Variants in KAZN observed in about 807,000 individuals in gnomAD.
The protein encoded by KAZN is kazrin.
KAZN carries 40 observed loss-of-function variants against 87.4 expected under a neutral mutation model. The observed-to-expected ratio is 0.46, with a 90% CI of 0.36 to 0.60. KAZN has a LOEUF of 0.60. Ranked by LOEUF, KAZN falls within the 20% of genes least tolerant of loss-of-function variation. The pLI is 0.00. For synonymous variants in KAZN, 466 were observed against 458.3 expected, an observed-to-expected ratio of 1.02 and a Z score of -0.22; for missense variants, 898 against 1,073.9, an observed-to-expected ratio of 0.84 and a Z score of 2.29.
chr1:14,789,047 G>A (rs956452724), intron 1 of KAZN, among the ~76,000 whole-genome samples: 1 of 152,212 alleles, frequency 6.6e-6, no homozygotes, highest in Non-Finnish European at 1.5e-5. Context: ...GTCCTGAAGG[G>A]ATGGGACACT....
chr1:14,843,765 G>A (rs529260805), intron 1 of KAZN, among the ~76,000 whole-genome samples: 57 of 152,160 alleles, frequency 3.7e-4, no homozygotes, highest in Admixed American at 1.0e-3. Context: ...TCTAGTCCTC[G>A]TCTCTTCACA....
At chr1:14,412,469 C>T (rs1664385825) in intron 2 of KAZN, among the ~76,000 whole-genome samples, 1 of 151,910 alleles carries the variant, frequency 6.6e-6, no homozygotes, top group Admixed American at 6.6e-5. Flanking sequence ...CTCAAGTATA[C>T]AAAAATCAAT....
chr1:14,203,845 A>G (rs949776402), intron 2 of KAZN, among the ~76,000 whole-genome samples: 5 of 152,194 alleles, frequency 3.3e-5, no homozygotes, highest in African/African-American at 1.2e-4. Context: ...TAGTGTCCCA[A>G]ATGTTCATAG....
At chr1:14,192,847 G>T (rs1009026218) in intron 2 of KAZN, among the ~76,000 whole-genome samples, 1 of 152,106 alleles carries the variant, frequency 6.6e-6, no homozygotes, top group African/African-American at 2.4e-5. Context: ...CTAGCTCCCA[G>T]AACCTAAGAA....
chr1:14,715,563 A>G (rs74061317), intron 1 of KAZN, among the ~76,000 whole-genome samples: 3,342 of 152,242 alleles, frequency 0.022, 137 homozygotes, highest in African/African-American at 0.077. Flanking sequence ...GTGTAGCTTG[A>G]TGTTCGGGGG....
At chr1:14,850,686 ACAGACCAGGCCAG>A (rs1022545500) in intron 1 of KAZN, among the ~76,000 whole-genome samples, 1 of 152,156 alleles carries the variant, frequency 6.6e-6, no homozygotes, top group Admixed American at 6.5e-5. Context: ...TCTGTGTGGC[ACAGACCAGGCCAG>A]CAGAACGTGT....
chr1:14,044,088 T>A (rs1270274977), intron 1 of KAZN, among the ~76,000 whole-genome samples: 2 of 151,406 alleles, frequency 1.3e-5, no homozygotes, highest in Admixed American at 6.6e-5. Flanking sequence ...CATGTTTGCC[T>A]TCTCTGTGCT....
intron 8 of KAZN, among the ~76,000 whole-genome samples, chr1:15,078,320 G>A (rs7512364): frequency 9.9e-5 from 15 of 151,780 alleles, no homozygotes; most frequent in African/African-American, 2.2e-4. Context: ...AAGGAGAATC[G>A]CTTGAACCTA....
chr1:15,036,682 C>A (rs973703889), intron 3 of KAZN, among the ~76,000 whole-genome samples: 1 of 152,078 alleles, frequency 6.6e-6, no homozygotes, highest in Non-Finnish European at 1.5e-5. Flanking sequence ...GAGTCAGAGA[C>A]CAGGAGCTCA....
At chr1:14,568,736 G>C (rs1297640063) in intron 2 of KAZN, among the ~76,000 whole-genome samples, 4 of 152,178 alleles carry the variant, frequency 2.6e-5, no homozygotes, top group Non-Finnish European at 5.9e-5. Flanking sequence ...AGAAAATCCA[G>C]CTGAGCTGTA....
Position 15,094,307 on chromosome 1 carries a change from C to G in KAZN, c.1350C>G (p.Thr450=). ...CTATGTCCCACTGGAAGGCGGGCACCGTCCAGGCCTGGCTGGAGGTGGTGA... is the reference window on the plus strand; with the variant it reads ...CTATGTCCCACTGGAAGGCGGGCACGGTCCAGGCCTGGCTGGAGGTGGTGA... The part of the protein sequence containing the change: ...TTPMSHWKAG[T]VQAWLEVVMA... Residue 450 remains threonine, a synonymous_variant, in exon 9 of 15, where the codon ACC becomes ACG. Transcript: ENST00000376030. This position sits in a 1 kb window ranked among gnomAD's most constrained non-coding sequence, Gnocchi z 4.5. 1 of 1,613,966 alleles carries G rather than the reference C, an allele frequency of 6.2e-7. No homozygotes were observed.
chr1:14,972,799 G>A (rs1665214625), intron 2 of KAZN, among the ~76,000 whole-genome samples: 1 of 152,164 alleles, frequency 6.6e-6, no homozygotes, highest in African/African-American at 2.4e-5. Context: ...ACAGGCGGGA[G>A]CCGCTGTGCC....
intron 2 of KAZN, among the ~76,000 whole-genome samples, chr1:14,371,530 C>T (rs1052788343): frequency 3.3e-5 from 5 of 151,970 alleles, no homozygotes; most frequent in African/African-American, 4.8e-5. Flanking sequence ...CCCAGGGAGC[C>T]CCAAAAGCAT....
chr1:14,121,354 A>C (rs1033287761), intron 1 of KAZN, among the ~76,000 whole-genome samples: 1 of 152,208 alleles, frequency 6.6e-6, no homozygotes, highest in African/African-American at 2.4e-5. Flanking sequence ...CCTGAAGTGC[A>C]AGGAGCAATA....
At chr1:14,099,145 C>G (rs1033587851) in intron 1 of KAZN, among the ~76,000 whole-genome samples, 1 of 152,066 alleles carries the variant, frequency 6.6e-6, no homozygotes, top group Non-Finnish European at 1.5e-5. Flanking sequence ...TGAAGTTTGA[C>G]AAATGGAGGG....
intron 1 of KAZN, among the ~76,000 whole-genome samples, chr1:14,915,329 A>G (rs1485448390): frequency 6.6e-6 from 1 of 152,232 alleles, no homozygotes; most frequent in Non-Finnish European, 1.5e-5. Context: ...TCTCCAGCAG[A>G]GTGCCTGGCA....
In KAZN at chr1:15,094,385, G is replaced by A. The variant is rs758682670; in HGVS notation, c.1428G>A (p.Lys476=). 3.1e-6 allele frequency: 5 copies of A among 1,610,872 alleles called. No individual in the cohort carries two copies. In the Admixed American group the frequency reaches 8.4e-5, roughly 27 times the overall value. The part of the protein sequence containing the change: ...KACTENVKSG[K]VLLSLSDEDL... ...GCACGGAGAACGTGAAGAGCGGGAA[G>A]GTAGGCAACTCCGGGCCCCCTATGG... The change falls in exon 9 of 15, where the codon AAG becomes AAA. Residue 476 remains lysine, a splice_region_variant and synonymous_variant. Coordinates refer to ENST00000376030, the MANE Select transcript of KAZN (RefSeq NM_201628.3). The surrounding 1 kb of genome is among the most constrained non-coding windows in gnomAD (Gnocchi z 4.5).
In KAZN at chr1:15,056,543, GCTGT is replaced by G. The variant is rs1419155731; in HGVS notation, c.916+266_916+269del. Among the ~76,000 whole-genome samples, 1 of 144,544 alleles carries G rather than the reference GCTGT, an allele frequency of 6.9e-6. No homozygotes were observed. The highest frequency in any genetic ancestry group is 2.5e-5 in the African/African-American group (1 of 40,510). 94.8% of individuals were successfully genotyped at this position (144,544 alleles called of 152,430 possible). A position where few individuals can be genotyped will look rare whatever the true frequency, so the allele number is the denominator to read the frequency against. On this transcript the variant is annotated intron_variant, in intron 5 of 14. Coordinates refer to ENST00000376030, the MANE Select transcript of KAZN (RefSeq NM_201628.3). The surrounding 1 kb of genome is among the most constrained non-coding windows in gnomAD (Gnocchi z 5.4). ...CACCTCCTTTTGGCCTCATCTTCAG[GCTGT>G]CTCTTTCAGCAAGAAAGTAAAATAG...
At chr1:14,377,832 G>A (rs1204806362) in intron 2 of KAZN, among the ~76,000 whole-genome samples, 1 of 152,164 alleles carries the variant, frequency 6.6e-6, no homozygotes, top group Non-Finnish European at 1.5e-5. Flanking sequence ...TGTGCTCGGA[G>A]GCTGTCTACA....
Sources: allele counts gnomAD v4.1 joint callset (sites outside exome capture counted in the v4.1 genomes callset), GRCh38; gene constraint gnomAD v4.1.1; non-coding constraint Gnocchi (gnomAD v3.1); transcripts MANE v1.5; gene names NCBI Gene and HGNC (gene_info 2026-07-23, HGNC 2026-07-21).